The following CDK11A variants were observed in gnomAD, a reference collection of about 807,000 sequenced individuals.
The protein encoded by CDK11A is cyclin-dependent kinase 11A.
CDK11A carries 55 observed loss-of-function variants against 83.6 expected under a neutral mutation model. The observed-to-expected ratio is 0.66, with a 90% CI of 0.53 to 0.82. The LOEUF is 0.82. Among genes scored for constraint, CDK11A ranks in the 40% least tolerant of loss-of-function variants. The pLI, the probability that CDK11A is intolerant of heterozygous loss-of-function variation, is 0.00. For synonymous variants in CDK11A, 247 were observed against 302.7 expected (o/e 0.82, Z 1.91); for missense variants, 564 against 810.1 (o/e 0.70, Z 3.69).
intron 3 of CDK11A, among the ~76,000 whole-genome samples, chr1:1,720,032 G>T (rs1302181367): frequency 6.6e-6 from 1 of 150,896 alleles, no homozygotes; most frequent in African/African-American, 2.4e-5. Context: ...CTTGACTGTG[G>T]TGACAGTTTC....
Position 1,702,740 on chromosome 1 carries a change from A to G in CDK11A, c.*167T>C, listed in dbSNP as rs1345934387. On this transcript the variant is annotated 3_prime_UTR_variant, in exon 20 of 20. Coordinates refer to ENST00000404249, the MANE Select transcript of CDK11A (RefSeq NM_024011.4). Reference sequence around the variant, plus strand: ...GAGAAAACACAGCTCTTTCCTCCACAACAAGGAAAATGATTTAATTCTACA... The same window carrying G: ...GAGAAAACACAGCTCTTTCCTCCACGACAAGGAAAATGATTTAATTCTACA... The G allele has an allele frequency of 3.3e-6, 2 of 597,462 alleles. No individual in the cohort carries two copies. The highest frequency in any genetic ancestry group is 3.7e-5 in the African/African-American group (2 of 54,036). The allele number at this position is 597,462 out of a possible 1,614,324, so 37.0% of individuals were successfully genotyped here. A position where few individuals can be genotyped will look rare whatever the true frequency, so the allele number is the denominator to read the frequency against.
Position 1,724,347 on chromosome 1 carries a change from A to G in CDK11A, c.-103T>C, listed in dbSNP as rs1645022783. 1.3e-5 allele frequency: 2 copies of G among 151,620 alleles called. No individual in the cohort carries two copies. Among genetic ancestry groups the G allele is most frequent in the Admixed American group, 6.6e-5 (1 of 15,204 alleles). The allele number at this position is 151,620 out of a possible 1,614,324, so 9.4% of individuals were successfully genotyped here. ...ATCCTCACTTCCTGTGTTGACGCCT[A>G]ATGATGATATAATAGCCGACCTCTG... On this transcript the variant is annotated 5_prime_UTR_variant, in exon 1 of 20. Transcript: ENST00000404249.
At position 1,716,447 on chromosome 1, in the gene CDK11A, G is replaced by C. The variant is rs754630865; in HGVS notation, c.387C>G (p.His129Gln). 1.9e-6 allele frequency: 3 copies of C among 1,608,250 alleles called. No homozygotes were observed. In the South Asian group the frequency reaches 3.3e-5, roughly 18 times the overall value. The change falls in exon 5 of 20, where the codon CAC (histidine) becomes CAG (glutamine). Residue 129 changes from histidine to glutamine, a missense_variant. Around this residue, in one of 5 missense-constraint regions of CDK11A, gnomAD observed 151 missense variants for 147.4 expected, o/e 1.02. Coordinates refer to ENST00000404249, the MANE Select transcript of CDK11A (RefSeq NM_024011.4). The part of the protein sequence containing the change: ...GKHARVKERE[H>Q]ERRKRHREEQ... Reference sequence around the variant, plus strand: ...CTTCTCGATGTCGTTTCCGACGTTCGTGCTCTCTTTCTTTCACTCTAGCAT... The same window carrying C: ...CTTCTCGATGTCGTTTCCGACGTTCCTGCTCTCTTTCTTTCACTCTAGCAT...
chr1:1,704,217 G>A lies in CDK11A; in HGVS notation c.1686+6C>T, dbSNP rs374517669. 19 of 1,608,280 alleles carry A rather than the reference G, an allele frequency of 1.2e-5. 1 individual carries two copies. In the African/African-American group the frequency reaches 1.7e-4, roughly 15 times the overall value. On this transcript the variant is annotated splice_donor_region_variant and intron_variant, in intron 15 of 19. Transcript: ENST00000404249. The stretch of plus-strand genomic sequence containing the variant: ...CCTGGGATGGGCCACTCGGAGGGGG[G>A]CTCACCTTGAGGATGCCGGCGTGGC...
chr1:1,704,600 TCCAC>T lies in CDK11A; in HGVS notation c.1510_1513del (p.Val504SerfsTer7), dbSNP rs1644238390. 6.2e-7 allele frequency: 1 copy of T among 1,602,188 alleles called. No homozygotes were observed. Among genetic ancestry groups the T allele is most frequent in the Non-Finnish European group, 8.5e-7 (1 of 1,173,636 alleles). On this transcript the variant is annotated frameshift_variant, in exon 14 of 20. Transcript: ENST00000404249. LOFTEE classifies it high-confidence loss of function. ...CTCCATCAGGCTCTTGAGGTCGTGC[TCCAC>T]GTAGTTCATCACGATGTAGATCTTG...
intron 11 of CDK11A, 54 bp downstream of exon 11, chr1:1,707,355 G>C: frequency 6.3e-7 from 1 of 1,576,746 alleles, no homozygotes; most frequent in South Asian, 1.1e-5. Context: ...CAGCCCCTGT[G>C]GTAACTCCGA....
Position 1,714,840 on chromosome 1 carries a change from G to A in CDK11A, c.488+1506C>T, listed in dbSNP as rs368885006. On this transcript the variant is annotated intron_variant, in intron 5 of 19. Coordinates refer to ENST00000404249, the MANE Select transcript of CDK11A (RefSeq NM_024011.4). ...CCTCAGGGCTGGTCACAAGTGGGTG[G>A]CGGCTCGAGCTCTCTCCAGTCTCTG... Among the ~76,000 whole-genome samples, 21 of 144,634 alleles carry A rather than the reference G, an allele frequency of 1.5e-4. 1 individual carries two copies. The highest frequency in any genetic ancestry group is 3.6e-3 in the Middle Eastern group (1 of 280). The allele number at this position is 144,634 out of a possible 152,430, so 94.9% of individuals were successfully genotyped here. A position where few individuals can be genotyped will look rare whatever the true frequency, so the allele number is the denominator to read the frequency against.
Position 1,716,422 on chromosome 1 carries a change from C to T in CDK11A, c.412G>A (p.Glu138Lys). Reference sequence around the variant, plus strand: ...CATTCCCGGCGAGCTTTATCCTGTTCTTCTCGATGTCGTTTCCGACGTTCG... The same window carrying T: ...CATTCCCGGCGAGCTTTATCCTGTTTTTCTCGATGTCGTTTCCGACGTTCG... ...EHERRKRHREEQDKARREWER... is the reference protein window; with the variant it reads ...EHERRKRHREKQDKARREWER... The change falls in exon 5 of 20, where the codon GAA (glutamate) becomes AAA (lysine). Residue 138 changes from glutamate (E) to lysine (K), a missense_variant. Glu to Lys is a moderately conservative substitution (Grantham distance 56). Coordinates refer to ENST00000404249, the MANE Select transcript of CDK11A (RefSeq NM_024011.4). 13 of 1,608,644 alleles carry T rather than the reference C, an allele frequency of 8.1e-6. 1 individual carries two copies. Among genetic ancestry groups the T allele is most frequent in the Non-Finnish European group, 1.0e-5 (12 of 1,176,154 alleles).
Position 1,721,616 on chromosome 1 carries a change from T to G in CDK11A, c.207A>C (p.Arg69Ser). The G allele has an allele frequency of 6.2e-7, 1 of 1,607,360 alleles. No individual in the cohort carries two copies. The highest frequency in any genetic ancestry group is 8.5e-7 in the Non-Finnish European group (1 of 1,174,996). ...CTCACCTGTCTTCCATTGAGTCTTC[T>G]CTTCTATACGGGGAGTTCCTTATTG... ...EITIRNSPYR[R>S]EDSMEDRGEE... is the part of the protein sequence containing the mutation. The change falls in exon 3 of 20, where the codon AGA becomes AGC. Residue 69 changes from arginine (R) to serine (S), a missense_variant. Around this residue, in one of 5 missense-constraint regions of CDK11A, gnomAD observed 151 missense variants for 147.4 expected, o/e 1.02. Transcript: ENST00000404249.
rs1412323726 is a variant in CDK11A, at chr1:1,702,655, G to C, written c.*252C>G. ...CCCCGTGCGTGTCGAGAGTGGGAGA[G>C]GGTGTGTGGAGGTTTGTGCTGCCCC... On this transcript the variant is annotated 3_prime_UTR_variant, in exon 20 of 20. Transcript: ENST00000404249. 6 of 572,208 alleles carry C rather than the reference G, an allele frequency of 1.0e-5. No individual in the cohort carries two copies. The highest frequency in any genetic ancestry group is 9.2e-5 in the Admixed American group (3 of 32,488). 35.4% of individuals were successfully genotyped at this position (572,208 alleles called of 1,614,324 possible). A position where few individuals can be genotyped will look rare whatever the true frequency, so the allele number is the denominator to read the frequency against.
intron 6 of CDK11A, among the ~76,000 whole-genome samples, chr1:1,710,755 G>T (rs1644470121): frequency 1.4e-5 from 2 of 146,798 alleles, no homozygotes; most frequent in South Asian, 4.4e-4. Context: ...AAAATGACGC[G>T]TGAACACGAC....
chr1:1,704,487 G>A lies in CDK11A; in HGVS notation c.1564+63C>T, dbSNP rs761810746. On this transcript the variant is annotated intron_variant, in intron 14 of 19. Coordinates refer to ENST00000404249, the MANE Select transcript of CDK11A (RefSeq NM_024011.4). ...TGGCCCTCCCTGCAGCACTGTCACC[G>A]CGGGGGTGACCAGGACACTGCCCCC... 86 of 1,565,858 alleles carry A rather than the reference G, an allele frequency of 5.5e-5. 3 individuals are homozygous for A. The highest frequency in any genetic ancestry group is 1.3e-4 in the South Asian group (11 of 85,474).
intron 11 of CDK11A, among the ~76,000 whole-genome samples, chr1:1,706,987 T>A (rs1644337726): frequency 7.0e-6 from 1 of 142,574 alleles, no homozygotes; most frequent in Admixed American, 6.8e-5. Context: ...TGGTCACACA[T>A]CTACACTGAC....
At chr1:1,706,050 C>G (rs1644295186) in intron 11 of CDK11A, among the ~76,000 whole-genome samples, 1 of 147,890 alleles carries the variant, frequency 6.8e-6, no homozygotes. Flanking sequence ...CAAGACCAGC[C>G]TGGCCAACAT....
chr1:1,717,541 G>T (rs1191278124), intron 4 of CDK11A, among the ~76,000 whole-genome samples: 1 of 151,322 alleles, frequency 6.6e-6, no homozygotes, highest in Non-Finnish European at 1.5e-5. Context: ...ACAATATAAT[G>T]GGGGAGAGAA....
At chr1:1,716,049 C>G (rs1247185553) in intron 5 of CDK11A, among the ~76,000 whole-genome samples, 1 of 150,844 alleles carries the variant, frequency 6.6e-6, no homozygotes, top group Non-Finnish European at 1.5e-5. Context: ...ACCTCAGCCT[C>G]GTAAGTGCTG....
intron 14 of CDK11A, 94 bp downstream of exon 14, chr1:1,704,456 T>C (rs1644227666): frequency 8.4e-6 from 13 of 1,538,852 alleles, no homozygotes; most frequent in Admixed American, 2.0e-5. Flanking sequence ...TCCCTGTGGA[T>C]GCAGCTGGCC....
intron 3 of CDK11A, among the ~76,000 whole-genome samples, chr1:1,720,385 C>A (rs1477984581): frequency 7.1e-6 from 1 of 140,986 alleles, no homozygotes; most frequent in Non-Finnish European, 1.5e-5. Context: ...GTGTGAGCCG[C>A]CACGCCCGGC....
At chr1:1,716,148 TACTTCC>T (rs1644633076) in intron 5 of CDK11A, among the ~76,000 whole-genome samples, 192 bp downstream of exon 5, 1 of 150,892 alleles carries the variant, frequency 6.6e-6, no homozygotes, top group Non-Finnish European at 1.5e-5. Context: ...CACCCGTTCT[TACTTCC>T]AGATGCAGTG....
Sources: allele counts gnomAD v4.1 joint callset (sites outside exome capture counted in the v4.1 genomes callset), GRCh38; gene constraint gnomAD v4.1.1; regional missense constraint gnomAD v4.1.1; transcripts MANE v1.5; gene names NCBI Gene and HGNC (gene_info 2026-07-23, HGNC 2026-07-21).